The following SPATA7 variants were observed in gnomAD, a reference collection of about 807,000 sequenced individuals.
SPATA7 encodes the protein spermatogenesis associated 7, also known as spermatogenesis-associated protein 7.
SPATA7 carries 43 observed loss-of-function variants against 51.8 expected under a neutral mutation model. That is an observed-to-expected ratio of 0.83 (90% CI 0.65 to 1.07). The LOEUF (loss-of-function observed/expected upper bound fraction) is 1.07, where lower values mean the gene tolerates loss of function less well. SPATA7 is among the 50% of genes least tolerant of loss of function. The pLI is 0.00. For synonymous variants in SPATA7, 230 were observed against 252.8 expected (o/e 0.91, Z 0.86); for missense variants, 683 against 701.3 (o/e 0.97, Z 0.30).
intron 1 of SPATA7, among the ~76,000 whole-genome samples, chr14:88,390,948 T>C (rs936786805): frequency 1.8e-4 from 28 of 152,350 alleles, no homozygotes; most frequent in African/African-American, 6.7e-4. Context: ...AAGAGCTTCA[T>C]AGATATTCTG....
Position 88,426,406 on chromosome 14 carries a change from G to A in SPATA7, c.547G>A (p.Val183Met). 5.0e-6 allele frequency: 8 copies of A among 1,614,192 alleles called. No individual in the cohort carries two copies. The highest frequency in any genetic ancestry group is 6.8e-6 in the Non-Finnish European group (8 of 1,180,032). The change falls in exon 6 of 12, where the codon GTG becomes ATG. Residue 183 changes from valine (V) to methionine (M), a missense_variant. Coordinates refer to ENST00000393545, the MANE Select transcript of SPATA7 (RefSeq NM_018418.5). The stretch of plus-strand genomic sequence containing the variant: ...GAACTCCAGTTCCTCCCCGTCCAGT[G>A]TGGATTATGCAGCCTCCGGGCCCCG... The part of the protein sequence containing the change: ...EKNSSSSPSS[V>M]DYAASGPRKL...
At chr14:88,396,306 T>C (rs1259271074) in intron 4 of SPATA7, 103 bp downstream of exon 4, 1 of 781,716 alleles carries the variant, frequency 1.3e-6, no homozygotes, top group African/African-American at 1.7e-5. Context: ...TCCAGTTCAA[T>C]ATTAAGTACA....
At chr14:88,461,472 G>A (rs377096103) in intron 4 of SPATA7, among the ~76,000 whole-genome samples, 2 of 152,156 alleles carry the variant, frequency 1.3e-5, no homozygotes, top group Admixed American at 6.5e-5. Context: ...TGTGCTAGCA[G>A]TGAGTGAGTA....
intron 4 of SPATA7, among the ~76,000 whole-genome samples, chr14:88,402,218 T>G (rs2076080191): frequency 6.6e-6 from 1 of 152,234 alleles, no homozygotes; most frequent in Non-Finnish European, 1.5e-5. Flanking sequence ...ATTTTTGTAC[T>G]ACCCAAAGTA....
rs1442567187 is a variant in SPATA7, at chr14:88,431,198, C to T, written c.1055C>T (p.Pro352Leu). ...PRAMCQYSLK[P>L]PSTRKIYSDE... ...GCAATGTGTCAGTATTCCCTGAAGC[C>T]CCCTTCAACTCGTAAAATCTACTCT... Residue 352 changes from proline to leucine, a missense_variant, in exon 9 of 12, where the codon CCC becomes CTC. Pro to Leu is a moderately conservative substitution (Grantham distance 98). Coordinates refer to ENST00000393545, the MANE Select transcript of SPATA7 (RefSeq NM_018418.5). 11 of 1,613,526 alleles carry T rather than the reference C, an allele frequency of 6.8e-6. No homozygotes were observed. Among genetic ancestry groups the T allele is most frequent in the South Asian group, 6.6e-5 (6 of 91,078 alleles).
At chr14:88,393,346 T>C in intron 2 of SPATA7, 47 bp from the exon 3 acceptor site, 1 of 1,295,240 alleles carries the variant, frequency 7.7e-7, no homozygotes, top group Non-Finnish European at 1.1e-6. Flanking sequence ...TATCTCATGA[T>C]TTTTATATTA....
chr14:88,439,429 T>A (rs2077162264), downstream of SPATA7, among the ~76,000 whole-genome samples: 1 of 152,216 alleles, frequency 6.6e-6, no homozygotes, highest in African/African-American at 2.4e-5. Flanking sequence ...TATACCTTTT[T>A]AACTATTTAC....
At chr14:88,437,146 T>C (rs1054717262) in intron 10 of SPATA7, among the ~76,000 whole-genome samples, 3 of 151,888 alleles carry the variant, frequency 2.0e-5, no homozygotes, top group African/African-American at 7.3e-5. Flanking sequence ...TTTTTAAAAG[T>C]ATAATTTAGG....
chr14:88,442,579 G>A (rs937223435), downstream of SPATA7, among the ~76,000 whole-genome samples: 1 of 152,044 alleles, frequency 6.6e-6, no homozygotes, highest in Admixed American at 6.6e-5. Flanking sequence ...CTGTTTATGT[G>A]GTATATCACA....
chr14:88,440,684 G>A (rs1454049819), downstream of SPATA7, among the ~76,000 whole-genome samples: 5 of 152,256 alleles, frequency 3.3e-5, no homozygotes, highest in Middle Eastern at 3.4e-3. Flanking sequence ...TTCCTTTTGA[G>A]CTGTGACTTT....
chr14:88,411,320 A>G (rs1267432503), intron 4 of SPATA7, among the ~76,000 whole-genome samples: 2 of 152,174 alleles, frequency 1.3e-5, no homozygotes, highest in South Asian at 2.1e-4. Flanking sequence ...ATGGGGTGGA[A>G]TATGCTGAGC....
At chr14:88,456,116 AG>A (rs1199412207), downstream of SPATA7, among the ~76,000 whole-genome samples, 1 of 152,110 alleles carries the variant, frequency 6.6e-6, no homozygotes, top group East Asian at 1.9e-4. Context: ...TCCTTAATCT[AG>A]TCTATCATTG....
At position 88,416,829 on chromosome 14, in the gene SPATA7, T is replaced by G. The variant is rs35137272; in HGVS notation, c.357T>G (p.Phe119Leu). The G allele has an allele frequency of 6.4e-3, 10,250 of 1,596,506 alleles. 569 individuals are homozygous for G. In the African/African-American group the frequency reaches 0.12, roughly 19 times the overall value. ...ATAAAAATAATTCCAAGTCACTTTT[T>G]AATACCTTACAAAAGGTAAGATAGT... is the stretch of plus-strand genomic sequence containing the variant. ...ANYKNNSKSL[F>L]NTLQKPSGEP... The change falls in exon 5 of 12, where the codon TTT becomes TTG. Residue 119 changes from phenylalanine (F) to leucine (L), a missense_variant. By Grantham distance (22) the Phe-to-Leu change is conservative. Transcript: ENST00000393545.
chr14:88,459,905 G>C (rs1363888545), downstream of SPATA7, among the ~76,000 whole-genome samples: 2 of 152,116 alleles, frequency 1.3e-5, no homozygotes, highest in African/African-American at 2.4e-5. Flanking sequence ...TGTAGAGCAG[G>C]CCTGGTGGTG....
intron 4 of SPATA7, among the ~76,000 whole-genome samples, chr14:88,461,149 G>A (rs140920359): frequency 6.6e-6 from 1 of 152,190 alleles, no homozygotes; most frequent in Non-Finnish European, 1.5e-5. Flanking sequence ...TAGGCTACTC[G>A]GGGGTCAGGG....
chr14:88,442,740 C>A (rs2077186206), downstream of SPATA7, among the ~76,000 whole-genome samples: 1 of 151,864 alleles, frequency 6.6e-6, no homozygotes, highest in African/African-American at 2.4e-5. Context: ...GGATGTTGGT[C>A]CATAGTTTTG....
At chr14:88,441,800 G>A (rs2077180137), downstream of SPATA7, among the ~76,000 whole-genome samples, 1 of 152,058 alleles carries the variant, frequency 6.6e-6, no homozygotes. Context: ...TGGGTTGTCT[G>A]TTTACTGATT....
chr14:88,451,209 G>A (rs750917505), intron 3 of SPATA7, among the ~76,000 whole-genome samples: 9 of 152,130 alleles, frequency 5.9e-5, no homozygotes, highest in African/African-American at 9.6e-5. Flanking sequence ...CACTCTTGTC[G>A]CCCAGGCTGG....
downstream of SPATA7, chr14:88,438,471 C>T (rs1436851140): frequency 7.2e-7 from 1 of 1,380,296 alleles, no homozygotes; most frequent in African/African-American, 1.4e-5. Flanking sequence ...TATTACTTTT[C>T]TTCCTTTTTT....
Sources: allele counts gnomAD v4.1 joint callset (sites outside exome capture counted in the v4.1 genomes callset), GRCh38; gene constraint gnomAD v4.1.1; transcripts MANE v1.5; gene names NCBI Gene and HGNC (gene_info 2026-07-23, HGNC 2026-07-21).